Variants in KCNN2 observed in about 807,000 individuals in gnomAD.
The protein encoded by KCNN2 is potassium calcium-activated channel subfamily N member 2, also known as small conductance calcium-activated potassium channel protein 2.
Under a neutral mutation model 55.5 loss-of-function variants are expected in KCNN2, and 24 were observed. That is an observed-to-expected ratio of 0.43 (90% CI 0.31 to 0.61). The LOEUF (loss-of-function observed/expected upper bound fraction) is 0.61. Among genes scored for constraint, KCNN2 ranks in the 20% least tolerant of loss-of-function variants. The pLI is 0.08. For synonymous variants in KCNN2, 431 were observed against 336.1 expected, an observed-to-expected ratio of 1.28 and a Z score of -3.09; for missense variants, 754 against 853.6, an observed-to-expected ratio of 0.88 and a Z score of 1.45.
intron 3 of KCNN2, among the ~76,000 whole-genome samples, chr5:114,439,220 A>C (rs1387000571): frequency 1.3e-5 from 2 of 152,364 alleles, no homozygotes; most frequent in Admixed American, 1.3e-4. Context: ...CAGAAATGCA[A>C]GTAATAAGCT....
At chr5:114,171,602 C>T (rs1459342851) in intron 1 of KCNN2, among the ~76,000 whole-genome samples, 1 of 151,758 alleles carries the variant, frequency 6.6e-6, no homozygotes, top group Non-Finnish European at 1.5e-5. Flanking sequence ...ACACTAGTCC[C>T]TCGTTAAGGA....
chr5:114,327,998 G>T (rs2150031973), intron 2 of KCNN2, among the ~76,000 whole-genome samples: 1 of 152,290 alleles, frequency 6.6e-6, no homozygotes, highest in East Asian at 1.9e-4. Context: ...GAGGCAAGTG[G>T]TCTTTTATAT....
chr5:114,096,215 T>C (rs572995437), intron 1 of KCNN2, among the ~76,000 whole-genome samples: 8 of 152,272 alleles, frequency 5.3e-5, no homozygotes, highest in African/African-American at 1.9e-4. Context: ...TGAGTACCTT[T>C]TCCTAAGGAT....
chr5:114,338,087 T>C (rs1756951762), intron 2 of KCNN2, among the ~76,000 whole-genome samples: 1 of 152,234 alleles, frequency 6.6e-6, no homozygotes, highest in Admixed American at 6.5e-5. Context: ...GGACATTTTA[T>C]GAATAGCGTT....
At chr5:114,252,763 T>A (rs1232825545) in intron 2 of KCNN2, among the ~76,000 whole-genome samples, 2 of 117,044 alleles carry the variant, frequency 1.7e-5, no homozygotes, top group East Asian at 5.1e-4. Context: ...TTCATGGCAC[T>A]CTGTGTAGCA....
chr5:114,492,064 C>A (rs1747884501), intron 6 of KCNN2, among the ~76,000 whole-genome samples: 1 of 152,044 alleles, frequency 6.6e-6, no homozygotes, highest in African/African-American at 2.4e-5. Context: ...AATACATAGT[C>A]ACAATGAGAA....
intron 2 of KCNN2, among the ~76,000 whole-genome samples, chr5:114,268,862 A>T (rs1755260684): frequency 6.6e-6 from 1 of 151,938 alleles, no homozygotes; most frequent in Admixed American, 6.6e-5. Context: ...AAAAAGAGCT[A>T]TTTTGGTTGT....
At chr5:114,226,484 G>C (rs1458417658) in intron 2 of KCNN2, among the ~76,000 whole-genome samples, 1 of 152,116 alleles carries the variant, frequency 6.6e-6, no homozygotes, top group Non-Finnish European at 1.5e-5. Context: ...TCAGTAAAAA[G>C]AGAGATCTAA....
At chr5:114,111,460 C>T (rs1463804741) in intron 1 of KCNN2, among the ~76,000 whole-genome samples, 1 of 152,128 alleles carries the variant, frequency 6.6e-6, no homozygotes, top group Non-Finnish European at 1.5e-5. Context: ...GCAAGGGCAA[C>T]AAAAGCCCAA....
At chr5:114,488,099 T>C (rs980461113) in intron 6 of KCNN2, among the ~76,000 whole-genome samples, 3 of 152,186 alleles carry the variant, frequency 2.0e-5, no homozygotes, top group South Asian at 2.1e-4. Flanking sequence ...CCACTAACAT[T>C]CTATAGGAAA....
intron 1 of KCNN2, among the ~76,000 whole-genome samples, chr5:114,142,920 C>T (rs548573262): frequency 6.6e-6 from 1 of 152,252 alleles, no homozygotes; most frequent in South Asian, 2.1e-4. Context: ...CAATCCTAAG[C>T]CAAAAGAACA....
At chr5:114,166,399 G>A (rs1752914489) in intron 1 of KCNN2, among the ~76,000 whole-genome samples, 1 of 152,130 alleles carries the variant, frequency 6.6e-6, no homozygotes, top group African/African-American at 2.4e-5. Flanking sequence ...TGCCTTCGCG[G>A]TATGTCTCTG....
chr5:114,155,587 G>C (rs901491081), intron 1 of KCNN2, among the ~76,000 whole-genome samples: 2 of 152,122 alleles, frequency 1.3e-5, no homozygotes, highest in African/African-American at 4.8e-5. Flanking sequence ...ATTCTGACTG[G>C]TGTGAGACAG....
At chr5:114,481,209 G>C (rs762360457) in intron 5 of KCNN2, among the ~76,000 whole-genome samples, 7 of 151,950 alleles carry the variant, frequency 4.6e-5, no homozygotes, top group Non-Finnish European at 1.0e-4. Context: ...CCACCAACAG[G>C]CAAGCAGAGA....
intron 2 of KCNN2, among the ~76,000 whole-genome samples, chr5:114,319,843 A>C (rs746768096): frequency 2.3e-4 from 35 of 152,226 alleles, no homozygotes; most frequent in Non-Finnish European, 4.7e-4. Flanking sequence ...TCATTCTATA[A>C]TATTTTTATG....
intron 2 of KCNN2, among the ~76,000 whole-genome samples, chr5:114,387,668 G>T (rs1201429051): frequency 1.3e-5 from 2 of 152,064 alleles, no homozygotes; most frequent in African/African-American, 4.8e-5. Flanking sequence ...TTGTTCTTTT[G>T]TAGCTTCTTC....
chr5:114,425,531 T>C (rs1759595152), intron 3 of KCNN2, among the ~76,000 whole-genome samples: 1 of 152,150 alleles, frequency 6.6e-6, no homozygotes, highest in Non-Finnish European at 1.5e-5. Context: ...TCTCCCTTCA[T>C]CATACCTACC....
At chr5:114,192,522 T>C (rs1280165712) in intron 1 of KCNN2, among the ~76,000 whole-genome samples, 2 of 152,128 alleles carry the variant, frequency 1.3e-5, no homozygotes. Flanking sequence ...GAAGATTTCT[T>C]GGGGTAGCTG....
At chr5:114,321,907 C>T (rs1205329309) in intron 2 of KCNN2, among the ~76,000 whole-genome samples, 1 of 152,130 alleles carries the variant, frequency 6.6e-6, no homozygotes, top group Admixed American at 6.5e-5. Context: ...GCCTCGGCCT[C>T]CCAAAGTGCT....
Sources: gnomAD v4.1 joint callset for allele counts (sites outside exome capture counted in the v4.1 genomes callset) on GRCh38, gnomAD v4.1.1 for gene constraint, MANE v1.5 for transcripts, NCBI Gene and HGNC (gene_info 2026-07-23, HGNC 2026-07-21) for gene names.